The following COP1 variants were observed in gnomAD, a reference collection of about 807,000 sequenced individuals.
COP1 encodes the protein COP1 E3 ubiquitin ligase, also known as E3 ubiquitin-protein ligase COP1.
COP1 carries 24 observed loss-of-function variants against 101.3 expected under a neutral mutation model. That is an observed-to-expected ratio of 0.24 (90% confidence interval 0.17 to 0.33). The LOEUF is 0.33. Ranked by LOEUF, COP1 falls within the 10% of genes least tolerant of loss-of-function variation. The probability of loss-of-function intolerance (pLI) is 1.00; values close to 1 mark genes in which losing one functional copy is unlikely to be tolerated. For synonymous variants in COP1, 347 were observed against 341.9 expected, an observed-to-expected ratio of 1.01 and a Z score of -0.17; for missense variants, 663 against 906.2, an observed-to-expected ratio of 0.73 and a Z score of 3.45.
At chr1:176,123,336 A>G (rs954273514) in intron 8 of COP1, among the ~76,000 whole-genome samples, 1 of 152,234 alleles carries the variant, frequency 6.6e-6, no homozygotes, top group South Asian at 2.1e-4. Context: ...ATAACAGCAC[A>G]TGAAATTTTA....
At chr1:175,954,025 C>T (rs547757366) in intron 18 of COP1, among the ~76,000 whole-genome samples, 1 of 152,180 alleles carries the variant, frequency 6.6e-6, no homozygotes, top group South Asian at 2.1e-4. Flanking sequence ...GCGTACTAGT[C>T]CCCAACAAAG....
chr1:176,119,256 C>T (rs1686707430), intron 8 of COP1, among the ~76,000 whole-genome samples: 1 of 152,130 alleles, frequency 6.6e-6, no homozygotes. Context: ...AACTCAATCC[C>T]TTAGTGTTTG....
intron 5 of COP1, among the ~76,000 whole-genome samples, chr1:176,156,268 T>C (rs1693433586): frequency 6.6e-6 from 1 of 151,982 alleles, no homozygotes; most frequent in Non-Finnish European, 1.5e-5. Context: ...TTGTGGTATT[T>C]AGAGAAAACA....
At position 176,206,496 on chromosome 1, in the gene COP1, C is replaced by T. The variant is rs994351767; in HGVS notation, c.407+76G>A. The T allele has an allele frequency of 1.3e-5, 21 of 1,557,190 alleles. No individual in the cohort carries two copies. The African/African-American group carries it at 2.5e-4, about 18-fold the overall frequency. ...GCTCTCCAACAAGCCACCCCCACACCAGACCCCCCGCCCCCAAGCCTAAGC... is the reference window on the plus strand; with the variant it reads ...GCTCTCCAACAAGCCACCCCCACACTAGACCCCCCGCCCCCAAGCCTAAGC... On this transcript the variant is annotated intron_variant, in intron 1 of 19. Transcript: ENST00000367669.
intron 4 of COP1, 94 bp from the exon 5 acceptor site, chr1:176,163,082 A>C: frequency 3.3e-6 from 4 of 1,224,526 alleles, no homozygotes; most frequent in Non-Finnish European, 4.5e-6. Context: ...TAATATGCTC[A>C]TTACATAGAT....
At chr1:175,995,725 T>A (rs990007737) in intron 15 of COP1, among the ~76,000 whole-genome samples, 5 of 152,086 alleles carry the variant, frequency 3.3e-5, no homozygotes, top group African/African-American at 4.8e-5. Context: ...AATAGACCAA[T>A]AACAGGCTCT....
chr1:175,983,386 G>A (rs902801705), intron 18 of COP1, among the ~76,000 whole-genome samples: 1 of 152,166 alleles, frequency 6.6e-6, no homozygotes, highest in African/African-American at 2.4e-5. Flanking sequence ...CCCTGTACAA[G>A]TTTTCTTCTC....
chr1:176,185,586 T>C (rs1175024024), intron 1 of COP1, among the ~76,000 whole-genome samples: 1 of 152,182 alleles, frequency 6.6e-6, no homozygotes, highest in Non-Finnish European at 1.5e-5. Context: ...TGCAAAACCT[T>C]GTAAAAAGAC....
intron 9 of COP1, among the ~76,000 whole-genome samples, chr1:176,110,336 T>C (rs1230405503): frequency 6.6e-6 from 1 of 152,228 alleles, no homozygotes; most frequent in Non-Finnish European, 1.5e-5. Context: ...TAAGTTCTTT[T>C]ACCTCATCTT....
In COP1 at chr1:176,147,492, A is replaced by G. The variant is rs148039245; in HGVS notation, c.831+1514T>C. Among the ~76,000 whole-genome samples the G allele has an allele frequency of 4.1e-4, 63 of 152,316 alleles. 1 individual carries two copies. Among genetic ancestry groups the G allele is most frequent in the Non-Finnish European group, 1.6e-4 (11 of 68,008 alleles). ...AACCAAAATGTATTAATGACAGTACAATCACTGTACACTAGAGGCACAAAT... is the reference window on the plus strand; with the variant it reads ...AACCAAAATGTATTAATGACAGTACGATCACTGTACACTAGAGGCACAAAT... On this transcript the variant is annotated intron_variant, in intron 6 of 19. Coordinates refer to ENST00000367669, the MANE Select transcript of COP1 (RefSeq NM_022457.7).
chr1:175,997,530 A>G (rs1660478148), intron 15 of COP1, among the ~76,000 whole-genome samples: 1 of 152,182 alleles, frequency 6.6e-6, no homozygotes, highest in Admixed American at 6.5e-5. Context: ...AGAATCTACA[A>G]TGAACTCAAA....
intron 6 of COP1, among the ~76,000 whole-genome samples, chr1:176,144,972 G>A (rs575482434): frequency 6.6e-6 from 1 of 152,156 alleles, no homozygotes; most frequent in African/African-American, 2.4e-5. Context: ...TTCTTTAAGT[G>A]ACACAAAACA....
intron 8 of COP1, among the ~76,000 whole-genome samples, chr1:176,127,914 T>C (rs565817838): frequency 9.2e-5 from 14 of 152,228 alleles, no homozygotes; most frequent in African/African-American, 3.4e-4. Flanking sequence ...TGTTTCATCT[T>C]TCTGATAATG....
chr1:176,078,847 T>C (rs928745120), intron 11 of COP1, among the ~76,000 whole-genome samples: 9 of 151,776 alleles, frequency 5.9e-5, no homozygotes, highest in African/African-American at 2.2e-4. Context: ...CACAGACACT[T>C]CTCAAAAGAA....
chr1:176,025,729 A>G (rs1667552808), intron 15 of COP1, among the ~76,000 whole-genome samples: 1 of 151,960 alleles, frequency 6.6e-6, no homozygotes, highest in Admixed American at 6.6e-5. Context: ...ATCTCTACGA[A>G]AAATACAAAA....
intron 1 of COP1, among the ~76,000 whole-genome samples, chr1:176,188,301 A>G (rs951141261): frequency 3.9e-5 from 6 of 152,160 alleles, no homozygotes; most frequent in African/African-American, 1.4e-4. Flanking sequence ...AGGGCTGGCC[A>G]ATTACTCCCC....
chr1:176,054,011 A>C (rs1673017175), intron 11 of COP1, among the ~76,000 whole-genome samples: 1 of 152,080 alleles, frequency 6.6e-6, no homozygotes, highest in South Asian at 2.1e-4. Flanking sequence ...CATGATCACT[A>C]TCCTTAAGGT....
intron 8 of COP1, among the ~76,000 whole-genome samples, chr1:176,124,467 A>G (rs1687699828): frequency 7.7e-6 from 1 of 130,134 alleles, no homozygotes; most frequent in African/African-American, 3.0e-5. Flanking sequence ...TCTATTCTCT[A>G]TCTTCACGAG....
intron 9 of COP1, among the ~76,000 whole-genome samples, chr1:176,111,235 A>G (rs1002925136): frequency 6.6e-6 from 1 of 152,176 alleles, no homozygotes; most frequent in Admixed American, 6.5e-5. Context: ...TAGTTCAAAC[A>G]CTGTCTATGA....
Sources: gnomAD v4.1 joint callset for allele counts (sites outside exome capture counted in the v4.1 genomes callset) on GRCh38, gnomAD v4.1.1 for gene constraint, MANE v1.5 for transcripts, NCBI Gene and HGNC (gene_info 2026-07-23, HGNC 2026-07-21) for gene names.